Variants in CAMKMT observed in about 807,000 individuals in gnomAD.
CAMKMT encodes the protein CaM KMT.
A neutral mutation model predicts 48.0 loss-of-function variants in CAMKMT; 53 were observed. The observed-to-expected ratio is 1.10, with a 90% CI of 0.89 to 1.39. The LOEUF (loss-of-function observed/expected upper bound fraction) is 1.39. CAMKMT is among the 40% of genes most tolerant of loss of function. CAMKMT has a pLI of 0.00. For synonymous variants in CAMKMT, 165 were observed against 152.3 expected (o/e 1.08, Z -0.61); for missense variants, 428 against 402.7 (o/e 1.06, Z -0.54).
At chr2:44,754,300 C>G (rs887018427) in intron 9 of CAMKMT, among the ~76,000 whole-genome samples, 182 bp downstream of exon 9, 2 of 152,220 alleles carry the variant, frequency 1.3e-5, no homozygotes, top group Non-Finnish European at 2.9e-5. Context: ...TAGGAAACTT[C>G]TTACCCTTGG....
chr2:44,674,519 A>G (rs1026519465), intron 3 of CAMKMT, among the ~76,000 whole-genome samples: 3 of 152,160 alleles, frequency 2.0e-5, no homozygotes, highest in African/African-American at 7.2e-5. Flanking sequence ...CCTCCACACA[A>G]TGAAAACACT....
chr2:44,752,509 C>G (rs1485131855), intron 8 of CAMKMT, among the ~76,000 whole-genome samples: 1 of 152,160 alleles, frequency 6.6e-6, no homozygotes, highest in Non-Finnish European at 1.5e-5. Flanking sequence ...GCACAATATG[C>G]TTTCACCTGT....
chr2:44,702,118 CTT>C (rs1677293524), intron 3 of CAMKMT, among the ~76,000 whole-genome samples: 1 of 152,042 alleles, frequency 6.6e-6, no homozygotes, highest in South Asian at 2.1e-4. Flanking sequence ...GTTAGATACT[CTT>C]TGTCTATCAT....
intron 3 of CAMKMT, among the ~76,000 whole-genome samples, chr2:44,641,928 AT>A (rs1268732254): frequency 6.6e-6 from 1 of 152,118 alleles, no homozygotes; most frequent in Non-Finnish European, 1.5e-5. Context: ...TTGCGCCAAT[AT>A]TAACTATCAC....
chr2:44,754,300 C>T (rs887018427), intron 9 of CAMKMT, among the ~76,000 whole-genome samples, 182 bp downstream of exon 9: 1 of 152,220 alleles, frequency 6.6e-6, no homozygotes, highest in African/African-American at 2.4e-5. Context: ...TAGGAAACTT[C>T]TTACCCTTGG....
intron 7 of CAMKMT, among the ~76,000 whole-genome samples, chr2:44,718,450 G>A (rs1285414925): frequency 6.6e-6 from 1 of 152,176 alleles, no homozygotes; most frequent in African/African-American, 2.4e-5. Context: ...TATGTCCAAA[G>A]TACTCTGCTT....
chr2:44,606,146 T>G (rs1370752510), intron 3 of CAMKMT, among the ~76,000 whole-genome samples: 1 of 152,206 alleles, frequency 6.6e-6, no homozygotes, highest in African/African-American at 2.4e-5. Context: ...CAAAATCAGC[T>G]GTCTACTACT....
chr2:44,362,240 C>A, intron 1 of CAMKMT, 95 bp downstream of exon 1: 2 of 1,128,196 alleles, frequency 1.8e-6, no homozygotes, highest in Non-Finnish European at 2.4e-6. Context: ...CTCTTGGCAG[C>A]TCTGGGAGAC....
At chr2:44,515,294 C>CT (rs1558669535) in intron 3 of CAMKMT, among the ~76,000 whole-genome samples, 1 of 152,088 alleles carries the variant, frequency 6.6e-6, no homozygotes, top group Non-Finnish European at 1.5e-5. Context: ...CTAGTAGAGG[C>CT]TTTTCAGTGG....
At chr2:44,651,486 C>T (rs972762582) in intron 3 of CAMKMT, among the ~76,000 whole-genome samples, 2 of 152,136 alleles carry the variant, frequency 1.3e-5, no homozygotes, top group African/African-American at 2.4e-5. Context: ...GAGTTTAAGA[C>T]CAGCCTGGCC....
At chr2:44,589,190 C>G (rs1670103443) in intron 3 of CAMKMT, among the ~76,000 whole-genome samples, 1 of 50,396 alleles carries the variant, frequency 2.0e-5, no homozygotes, top group Non-Finnish European at 4.2e-5. Flanking sequence ...AGGGGCGCCT[C>G]TGCCCGGCCG....
At chr2:44,588,106 G>A (rs1366514015) in intron 3 of CAMKMT, among the ~76,000 whole-genome samples, 1 of 135,534 alleles carries the variant, frequency 7.4e-6, no homozygotes, top group Non-Finnish European at 1.6e-5. Flanking sequence ...TCTGGGATGT[G>A]AGGAGCACCT....
At chr2:44,604,672 T>C (rs1392691065) in intron 3 of CAMKMT, among the ~76,000 whole-genome samples, 1 of 152,076 alleles carries the variant, frequency 6.6e-6, no homozygotes, top group African/African-American at 2.4e-5. Flanking sequence ...TTTACTATTT[T>C]TTCACTGTAA....
chr2:44,645,293 G>A (rs1001657414), intron 3 of CAMKMT, among the ~76,000 whole-genome samples: 1 of 152,194 alleles, frequency 6.6e-6, no homozygotes, highest in Admixed American at 6.5e-5. Context: ...TTTTAAGATG[G>A]CATATTTGTT....
intron 7 of CAMKMT, among the ~76,000 whole-genome samples, chr2:44,721,929 G>A (rs1678484468): frequency 6.6e-6 from 1 of 152,184 alleles, no homozygotes; most frequent in African/African-American, 2.4e-5. Context: ...CCAGGGCTAG[G>A]CAACCACTGA....
intron 7 of CAMKMT, among the ~76,000 whole-genome samples, chr2:44,738,100 C>T (rs1156744410): frequency 2.0e-5 from 3 of 151,998 alleles, no homozygotes; most frequent in Middle Eastern, 3.2e-3. Context: ...ATGATCCACC[C>T]GCCTCAGCCT....
At chr2:44,362,333 G>C (rs1677972055) in intron 1 of CAMKMT, among the ~76,000 whole-genome samples, 188 bp downstream of exon 1, 1 of 152,176 alleles carries the variant, frequency 6.6e-6, no homozygotes, top group Non-Finnish European at 1.5e-5. Context: ...AATCATGTGG[G>C]GTTGGGTGGG....
chr2:44,628,631 T>G (rs562049357), intron 3 of CAMKMT, among the ~76,000 whole-genome samples: 51 of 152,064 alleles, frequency 3.4e-4, no homozygotes, highest in African/African-American at 1.2e-3. Context: ...TCCACCTGCC[T>G]CAGTCAAATC....
At chr2:44,447,786 T>C (rs1259907024) in intron 3 of CAMKMT, among the ~76,000 whole-genome samples, 2 of 152,192 alleles carry the variant, frequency 1.3e-5, no homozygotes, top group African/African-American at 4.8e-5. Context: ...GCAAATATTT[T>C]TGAAAAATAA....
Sources: allele counts gnomAD v4.1 joint callset (sites outside exome capture counted in the v4.1 genomes callset), GRCh38; gene constraint gnomAD v4.1.1; transcripts MANE v1.5; gene names NCBI Gene and HGNC (gene_info 2026-07-23, HGNC 2026-07-21).